The following EIF3B variants were observed in gnomAD, a reference collection of about 807,000 sequenced individuals.
EIF3B encodes eukaryotic translation initiation factor 3 subunit B.
In EIF3B, 10 loss-of-function variants were observed where a neutral mutation model predicts 104.6. The ratio of observed to expected loss-of-function variants is 0.10; its 90% CI spans 0.06 to 0.16. EIF3B has a LOEUF of 0.16. Ranked by LOEUF, EIF3B falls within the 10% of genes least tolerant of loss-of-function variation. The probability of loss-of-function intolerance (pLI) is 1.00; values close to 1 mark genes in which losing one functional copy is unlikely to be tolerated. For missense variants in EIF3B, 1,014 were observed against 1,087.9 expected, an observed-to-expected ratio of 0.93 and a Z score of 0.96; for synonymous variants, 542 against 417.2, an observed-to-expected ratio of 1.30 and a Z score of -3.65.
At position 2,355,183 on chromosome 7, in the gene EIF3B, G is replaced by A; in HGVS notation, c.262G>A (p.Ala88Thr). ...SGPSESPSPPAAEELPGSHAE... is the reference protein window; with the variant it reads ...SGPSESPSPPTAEELPGSHAE... ...CCCGTCCGAGTCGCCCTCGCCGCCG[G>A]CCGCCGAGGAGCTGCCCGGGTCGCA... The change falls in exon 1 of 19, where the codon GCC becomes ACC. Residue 88 changes from alanine (A) to threonine (T), a missense_variant. Around this residue, in one of 4 missense-constraint regions of EIF3B, gnomAD observed 488 missense variants for 404.3 expected, o/e 1.21. Coordinates refer to ENST00000360876, the MANE Select transcript of EIF3B (RefSeq NM_001037283.2). 1 of 1,468,794 alleles carries A rather than the reference G, an allele frequency of 6.8e-7. No individual in the cohort carries two copies. The highest frequency in any genetic ancestry group is 8.9e-7 in the Non-Finnish European group (1 of 1,119,674). The allele number at this position is 1,468,794 out of a possible 1,614,324, so 91.0% of individuals were successfully genotyped here.
chr7:2,375,039 A>T (rs1338383127), intron 13 of EIF3B: 1 of 344,444 alleles, frequency 2.9e-6, no homozygotes, highest in Non-Finnish European at 5.4e-6. Flanking sequence ...TGTCGAAATC[A>T]TGGAGAAGCT....
Position 2,364,571 on chromosome 7 carries a change from C to T in EIF3B, c.1157+42C>T, listed in dbSNP as rs1423557586. The T allele has an allele frequency of 4.5e-6, 7 of 1,554,130 alleles. No individual in the cohort carries two copies. In the African/African-American group the frequency reaches 9.6e-5, roughly 21 times the overall value. ...ACACAGGGGAGTCTATGCATTTCACCCCATGCCAGCCTTCTACAGGTGATC... is the reference window on the plus strand; with the variant it reads ...ACACAGGGGAGTCTATGCATTTCACTCCATGCCAGCCTTCTACAGGTGATC... On this transcript the variant is annotated intron_variant, in intron 6 of 18. Coordinates refer to ENST00000360876, the MANE Select transcript of EIF3B (RefSeq NM_001037283.2).
chr7:2,363,556 C>T, intron 4 of EIF3B, 76 bp from the exon 5 acceptor site: 5 of 1,374,142 alleles, frequency 3.6e-6, no homozygotes, highest in East Asian at 4.8e-5. Context: ...CTTGTCATAT[C>T]TTTAAGAGCA....
intron 14 of EIF3B, among the ~76,000 whole-genome samples, 182 bp downstream of exon 14, chr7:2,375,709 C>T (rs973200071): frequency 3.3e-5 from 5 of 152,130 alleles, no homozygotes; most frequent in Admixed American, 1.3e-4. Flanking sequence ...GAGGTGGCGC[C>T]GAGTGCAGGA....
chr7:2,363,191 A>C, intron 4 of EIF3B, 64 bp downstream of exon 4: 1 of 1,505,664 alleles, frequency 6.6e-7, no homozygotes, highest in East Asian at 2.3e-5. Flanking sequence ...GGTGGGTCAC[A>C]CCTGCAATCC....
rs747713313 is a variant in EIF3B, at chr7:2,380,276, C to T, written c.*87C>T. On this transcript the variant is annotated 3_prime_UTR_variant, in exon 19 of 19. Coordinates refer to ENST00000360876, the MANE Select transcript of EIF3B (RefSeq NM_001037283.2). ...AGTGTGAGCCGCGGTTCCTCTGTTGCAGCGCAGCCGTGTGTGCTGTGGAGC... is the reference window on the plus strand; with the variant it reads ...AGTGTGAGCCGCGGTTCCTCTGTTGTAGCGCAGCCGTGTGTGCTGTGGAGC... 4 of 501,700 alleles carry T rather than the reference C, an allele frequency of 8.0e-6. No individual in the cohort carries two copies. Among genetic ancestry groups the T allele is most frequent in the African/African-American group, 3.9e-5 (2 of 51,388 alleles). 31.1% of individuals were successfully genotyped at this position (501,700 alleles called of 1,614,324 possible).
intron 11 of EIF3B, 72 bp downstream of exon 11, chr7:2,371,921 C>T: frequency 1.6e-6 from 2 of 1,214,370 alleles, no homozygotes; most frequent in Non-Finnish European, 2.4e-6. Flanking sequence ...TTAACACTTC[C>T]ATGCGAGGGG....
Position 2,380,208 on chromosome 7 carries a change from C to CG in EIF3B, c.*21dup. 2.7e-6 allele frequency: 1 copy of CG among 369,584 alleles called. No individual in the cohort carries two copies. The highest frequency in any genetic ancestry group is 5.4e-6 in the Non-Finnish European group (1 of 184,114). The allele number at this position is 369,584 out of a possible 1,614,324, so 22.9% of individuals were successfully genotyped here. ...CCGCCATGCCTGTCTATCCAGGGGA[C>CG]GGACTCCGCCTGCTGTTCCCGCGCT... is the stretch of plus-strand genomic sequence containing the variant. On this transcript the variant is annotated 3_prime_UTR_variant, in exon 19 of 19. Transcript: ENST00000360876.
rs2115266349 is a variant in EIF3B, at chr7:2,355,222, G to T, written c.301G>T (p.Val101Phe). 3 of 1,500,360 alleles carry T rather than the reference G, an allele frequency of 2.0e-6. No homozygotes were observed. The highest frequency in any genetic ancestry group is 2.6e-6 in the Non-Finnish European group (3 of 1,133,084). The allele number at this position is 1,500,360 out of a possible 1,614,324, so 92.9% of individuals were successfully genotyped here. The stretch of plus-strand genomic sequence containing the variant: ...GCCCGGGTCGCATGCTGAGCCCCCT[G>T]TCCCGGCACAGGGCGAGGCCCCAGG... ...ELPGSHAEPP[V>F]PAQGEAPGEQ... The change falls in exon 1 of 19, where the codon GTC becomes TTC. Residue 101 changes from valine (V) to phenylalanine (F), a missense_variant. Physicochemically the swap from Val to Phe is conservative, Grantham distance 50. This residue lies in a region of EIF3B where 488 missense variants were observed against 404.3 expected (regional missense o/e 1.21). Coordinates refer to ENST00000360876, the MANE Select transcript of EIF3B (RefSeq NM_001037283.2).
chr7:2,379,761 G>A (rs1780894811), intron 18 of EIF3B: 1 of 487,756 alleles, frequency 2.1e-6, no homozygotes, highest in South Asian at 2.1e-5. Context: ...GCTGTGGCCA[G>A]GTGTTGGGAA....
At chr7:2,355,441 G>A (rs1185069730) in intron 1 of EIF3B, 21 bp downstream of exon 1, 1 of 1,424,570 alleles carries the variant, frequency 7.0e-7, no homozygotes, top group Non-Finnish European at 9.2e-7. Flanking sequence ...CCGGGGCGGG[G>A]CTGGCGAGCG....
At chr7:2,366,776 C>G (rs1780049939) in intron 8 of EIF3B, 185 bp downstream of exon 8, 2 of 805,930 alleles carry the variant, frequency 2.5e-6, no homozygotes, top group Non-Finnish European at 3.9e-6. Context: ...TCCTGCCCAC[C>G]TGGCGCAGCC....
At chr7:2,355,481 T>G (rs1583141747) in intron 1 of EIF3B, 61 bp downstream of exon 1, 2 of 1,395,416 alleles carry the variant, frequency 1.4e-6, no homozygotes, top group Non-Finnish European at 1.9e-6. Flanking sequence ...GTTCCCGAGG[T>G]GGGAGATATC....
chr7:2,354,971 C>T lies in EIF3B; in HGVS notation c.50C>T (p.Ala17Val), dbSNP rs1292755358. 7 of 1,185,304 alleles carry T rather than the reference C, an allele frequency of 5.9e-6. No individual in the cohort carries two copies. The Middle Eastern group carries it at 1.1e-3, about 178-fold the overall frequency. 73.4% of individuals were successfully genotyped at this position (1,185,304 alleles called of 1,614,324 possible). A position where few individuals can be genotyped will look rare whatever the true frequency, so the allele number is the denominator to read the frequency against. Residue 17 changes from alanine (A) to valine (V), a missense_variant, in exon 1 of 19, where the codon GCC becomes GTC. Physicochemically the swap from Ala to Val is moderately conservative, Grantham distance 64. Around this residue, in one of 4 missense-constraint regions of EIF3B, gnomAD observed 488 missense variants for 404.3 expected, o/e 1.21. Transcript: ENST00000360876. ...VAVPEAAEER[A>V]EPGQQQPAAE... ...GTGCCCGAGGCGGCCGAGGAGCGCG[C>T]CGAGCCCGGCCAGCAGCAGCCGGCC...
At chr7:2,375,894 GCGTTACCCACAACT>G (rs1218869398) in intron 14 of EIF3B, 22 of 205,696 alleles carry the variant, frequency 1.1e-4, no homozygotes, top group African/African-American at 5.0e-4. Context: ...TCCAGCTGCC[GCGTTACCCACAACT>G]CGTATTCCAA....
intron 13 of EIF3B, chr7:2,374,939 A>C: frequency 3.3e-6 from 1 of 305,178 alleles, no homozygotes; most frequent in Non-Finnish European, 6.1e-6. Flanking sequence ...CTTGTCTTCT[A>C]GTGGGAAGGG....
At chr7:2,368,913 G>T (rs1469303095) in intron 9 of EIF3B, among the ~76,000 whole-genome samples, 1 of 152,198 alleles carries the variant, frequency 6.6e-6, no homozygotes, top group East Asian at 1.9e-4. Context: ...CAGGACGTTG[G>T]TTCTCAAAAA....
At chr7:2,376,258 G>A (rs1440341533) in intron 14 of EIF3B, 3 of 151,578 alleles carry the variant, frequency 2.0e-5, no homozygotes, top group Non-Finnish European at 4.4e-5. Context: ...ACTTCAGGAG[G>A]CAGAGGTAGA....
intron 1 of EIF3B, among the ~76,000 whole-genome samples, chr7:2,359,601 T>C (rs866820078): frequency 6.6e-6 from 1 of 152,274 alleles, no homozygotes. Context: ...CTCTCTGAAT[T>C]CTGTAAGCTG....
Sources: allele counts gnomAD v4.1 joint callset (sites outside exome capture counted in the v4.1 genomes callset), GRCh38; gene constraint gnomAD v4.1.1; regional missense constraint gnomAD v4.1.1; transcripts MANE v1.5; gene names NCBI Gene and HGNC (gene_info 2026-07-23, HGNC 2026-07-21).